Variants in ANXA4 observed in about 807,000 individuals in gnomAD.
ANXA4 encodes the protein 35-beta calcimedin.
ANXA4 carries 39 observed loss-of-function variants against 49.8 expected under a neutral mutation model. The ratio of observed to expected loss-of-function variants is 0.78; its 90% CI spans 0.61 to 1.02. ANXA4 has a LOEUF of 1.02. Among genes scored for constraint, ANXA4 ranks in the 50% least tolerant of loss-of-function variants. The pLI, the probability that ANXA4 is intolerant of heterozygous loss-of-function variation, is 0.00. For synonymous variants in ANXA4, 134 were observed against 152.5 expected (o/e 0.88, Z 0.89); for missense variants, 360 against 410.1 (o/e 0.88, Z 1.05).
intron 2 of ANXA4, among the ~76,000 whole-genome samples, chr2:69,676,059 A>G (rs575102511): frequency 1.3e-5 from 2 of 151,454 alleles, no homozygotes; most frequent in African/African-American, 4.8e-5. Context: ...AAAATGGTAA[A>G]CTTTATGTTA....
At chr2:69,799,693 A>G (rs1673104949) in intron 3 of ANXA4, among the ~76,000 whole-genome samples, 1 of 152,116 alleles carries the variant, frequency 6.6e-6, no homozygotes, top group African/African-American at 2.4e-5. Context: ...CAGTGATTCT[A>G]TGTGCACCAC....
At chr2:69,786,854 T>C (rs1672438434) in intron 2 of ANXA4, among the ~76,000 whole-genome samples, 1 of 152,188 alleles carries the variant, frequency 6.6e-6, no homozygotes, top group African/African-American at 2.4e-5. Flanking sequence ...CCTGAGTAGC[T>C]GGGACTACAG....
intron 2 of ANXA4, among the ~76,000 whole-genome samples, chr2:69,678,389 C>CTTTTTTTTT (rs150952411): frequency 9.3e-4 from 73 of 78,336 alleles, no homozygotes; most frequent in African/African-American, 1.3e-3. Context: ...CTTTTCTTTT[C>CTTTTTTTTT]TTTTTTTTTT....
intron 1 of ANXA4, among the ~76,000 whole-genome samples, chr2:69,766,581 T>G (rs1455350511): frequency 1.3e-5 from 2 of 152,180 alleles, no homozygotes; most frequent in Non-Finnish European, 2.9e-5. Flanking sequence ...AAGGAGAAGT[T>G]TCCGTTTATC....
chr2:69,675,139 G>A (rs1165777984), intron 2 of ANXA4, among the ~76,000 whole-genome samples: 1 of 152,056 alleles, frequency 6.6e-6, no homozygotes, highest in Admixed American at 6.6e-5. Context: ...AGCCAGGATG[G>A]TCTCGATCTC....
At chr2:69,696,469 C>T (rs575198744) in intron 2 of ANXA4, among the ~76,000 whole-genome samples, 274 of 152,288 alleles carry the variant, frequency 1.8e-3, no homozygotes, top group Admixed American at 3.6e-3. Context: ...CAGTCATCCA[C>T]GAGAGTTAAA....
chr2:69,734,737 C>T (rs1670198482), intron 3 of ANXA4, among the ~76,000 whole-genome samples: 1 of 150,682 alleles, frequency 6.6e-6, no homozygotes, highest in South Asian at 2.1e-4. Flanking sequence ...AAGTCATCTT[C>T]CAGCCGGGTG....
rs146393172 is a variant in ANXA4, at chr2:69,704,306, G to A, written n.767-16468G>A. ...ATTTTCTAACGAGCCATTTTGTACAGTAATTATACAAAAAGTAACTAACTA... is the reference window on the plus strand; with the variant it reads ...ATTTTCTAACGAGCCATTTTGTACAATAATTATACAAAAAGTAACTAACTA... On this transcript the variant is annotated intron_variant and non_coding_transcript_variant, in intron 2 of 3. Transcript: ENST00000418066. 8.5e-3 allele frequency among the ~76,000 whole-genome samples: 1,287 copies of A among 152,200 alleles called. 16 individuals carry two copies. The highest frequency in any genetic ancestry group is 0.029 in the African/African-American group (1,207 of 41,532).
chr2:69,802,656 A>T lies in ANXA4; in HGVS notation c.98-1877A>T, dbSNP rs571456513. Among the ~76,000 whole-genome samples the T allele has an allele frequency of 2.0e-5, 3 of 149,280 alleles. No individual in the cohort carries two copies. The East Asian group carries it at 6.1e-4, about 30-fold the overall frequency. On this transcript the variant is annotated intron_variant, in intron 3 of 12. Coordinates refer to ENST00000394295, the MANE Select transcript of ANXA4 (RefSeq NM_001153.5). The stretch of plus-strand genomic sequence containing the variant: ...AACCCGGGAGGCAGAGGTTGCAGTG[A>T]GCCGAGATGGCACCACTGCACTACA...
Position 69,776,160 on chromosome 2 carries a change from G to A in ANXA4, c.-46-5360G>A, listed in dbSNP as rs1382447910. Among the ~76,000 whole-genome samples the A allele has an allele frequency of 6.6e-5, 10 of 151,892 alleles. No homozygotes were observed. In the East Asian group the frequency reaches 7.8e-4, roughly 12 times the overall value. ...CAGCTTAATTTTTATATTTTTATTA[G>A]AGATAGGGTTTCACCATGTTGGCCA... On this transcript the variant is annotated intron_variant, in intron 1 of 12. Transcript: ENST00000394295.
chr2:69,706,048 A>T (rs915663224), intron 2 of ANXA4, among the ~76,000 whole-genome samples: 1 of 151,932 alleles, frequency 6.6e-6, no homozygotes, highest in Non-Finnish European at 1.5e-5. Flanking sequence ...GTGAGAACAA[A>T]AAAAGAAAAA....
At chr2:69,667,933 G>A (rs925173864) in intron 2 of ANXA4, among the ~76,000 whole-genome samples, 11 of 152,202 alleles carry the variant, frequency 7.2e-5, no homozygotes, top group Admixed American at 4.6e-4. Flanking sequence ...TGGGCTAGCC[G>A]GGACAAGCCG....
At chr2:69,775,961 T>TTTATTTATTTATTTA (rs376392856) in intron 1 of ANXA4, among the ~76,000 whole-genome samples, 39 of 104,574 alleles carry the variant, frequency 3.7e-4, no homozygotes, top group African/African-American at 9.4e-4. Flanking sequence ...TTTATTTTTA[T>TTTATTTATTTATTTA]TTTATTTATT....
At chr2:69,690,947 C>G (rs1677944237) in intron 2 of ANXA4, among the ~76,000 whole-genome samples, 1 of 152,092 alleles carries the variant, frequency 6.6e-6, no homozygotes, top group African/African-American at 2.4e-5. Context: ...CCTGAAATAA[C>G]CAAGAAATAA....
chr2:69,659,609 G>A (rs551899100), intron 2 of ANXA4, among the ~76,000 whole-genome samples: 2 of 152,246 alleles, frequency 1.3e-5, no homozygotes, highest in East Asian at 3.9e-4. Context: ...GAATAGTTAA[G>A]TAAGAATCAT....
chr2:69,763,551 C>A (rs778925357), intron 1 of ANXA4, among the ~76,000 whole-genome samples: 1 of 152,106 alleles, frequency 6.6e-6, no homozygotes, highest in Non-Finnish European at 1.5e-5. Context: ...ATCACTGACT[C>A]ACTGCAAATC....
chr2:69,792,268 C>T (rs1027182981), intron 3 of ANXA4, among the ~76,000 whole-genome samples: 3 of 152,116 alleles, frequency 2.0e-5, no homozygotes, highest in Middle Eastern at 3.2e-3. Flanking sequence ...TTTGAAAAAG[C>T]AAAAACCATT....
At chr2:69,689,911 T>C (rs771739060) in intron 2 of ANXA4, among the ~76,000 whole-genome samples, 4 of 152,210 alleles carry the variant, frequency 2.6e-5, no homozygotes, top group African/African-American at 4.8e-5. Flanking sequence ...TAAAGTTTTA[T>C]GGCATATTCT....
chr2:69,792,139 C>T (rs576920979), intron 3 of ANXA4, among the ~76,000 whole-genome samples: 1 of 152,294 alleles, frequency 6.6e-6, no homozygotes, highest in South Asian at 2.1e-4. Context: ...AGACTTGAGA[C>T]TAAAGTTTGA....
Sources: allele counts gnomAD v4.1 joint callset (sites outside exome capture counted in the v4.1 genomes callset), GRCh38; gene constraint gnomAD v4.1.1; transcripts MANE v1.5; gene names NCBI Gene and HGNC (gene_info 2026-07-23, HGNC 2026-07-21).